FBXO8: variants seen among roughly 807,000 people sequenced by gnomAD.
FBXO8 encodes F-box only protein 8.
Under a neutral mutation model 33.4 loss-of-function variants are expected in FBXO8, and 15 were observed. The observed-to-expected ratio is 0.45, with a 90% confidence interval of 0.30 to 0.69. The LOEUF is 0.69. FBXO8 is among the 30% of genes least tolerant of loss of function. FBXO8 has a pLI of 0.08. For missense variants in FBXO8, 274 were observed against 380.3 expected (o/e 0.72, Z 2.32); for synonymous variants, 132 against 131.5 (o/e 1.00, Z -0.02).
chr4:174,280,805 A>G (rs1737068270), intron 1 of FBXO8, among the ~76,000 whole-genome samples: 1 of 152,220 alleles, frequency 6.6e-6, no homozygotes, highest in Non-Finnish European at 1.5e-5. Flanking sequence ...CAGTAATATG[A>G]ATACAAACAC....
At chr4:174,258,882 C>A (rs1208524108) in intron 3 of FBXO8, among the ~76,000 whole-genome samples, 1 of 151,626 alleles carries the variant, frequency 6.6e-6, no homozygotes, top group Non-Finnish European at 1.5e-5. Context: ...ATTAATACCT[C>A]GACAACAAAT....
In FBXO8 at chr4:174,267,494, C is replaced by A. The variant is rs1204227320; in HGVS notation, c.-8-4394G>T. On this transcript the variant is annotated intron_variant, in intron 1 of 5. Coordinates refer to ENST00000393674, the MANE Select transcript of FBXO8 (RefSeq NM_012180.3). This position sits in a 1 kb window ranked among gnomAD's most constrained non-coding sequence, Gnocchi z 4.7. The stretch of plus-strand genomic sequence containing the variant: ...CTCAGGAGTTTGAGGTTATAGTGAG[C>A]TATGATCACACCACTGCACTCCAGC... Among the ~76,000 whole-genome samples the A allele has an allele frequency of 7.6e-4, 115 of 152,120 alleles. No individual in the cohort carries two copies. Among genetic ancestry groups the A allele is most frequent in the Non-Finnish European group, 2.9e-5 (2 of 68,028 alleles).
At chr4:174,282,385 C>A (rs1051569246) in intron 1 of FBXO8, among the ~76,000 whole-genome samples, 1 of 152,060 alleles carries the variant, frequency 6.6e-6, no homozygotes, top group Non-Finnish European at 1.5e-5. Flanking sequence ...TTGTTTTAAG[C>A]TGGGGTAAAT....
chr4:174,240,964 A>G (rs1488682796), intron 4 of FBXO8, 136 bp downstream of exon 4: 13 of 510,292 alleles, frequency 2.5e-5, no homozygotes, highest in Non-Finnish European at 4.5e-5. Context: ...TGTGTGAGAT[A>G]TAGGAATCTT....
intron 4 of FBXO8, among the ~76,000 whole-genome samples, chr4:174,240,186 C>A (rs1297031311): frequency 6.7e-6 from 1 of 148,394 alleles, no homozygotes; most frequent in Non-Finnish European, 1.5e-5. Context: ...AAGAAAAAAA[C>A]CCCTGCCTAT....
chr4:174,248,431 TAC>T (rs1560867465), intron 3 of FBXO8, among the ~76,000 whole-genome samples: 1 of 152,048 alleles, frequency 6.6e-6, no homozygotes, highest in Admixed American at 6.6e-5. Context: ...GGCTCTGTGT[TAC>T]ACAGAACTAA....
chr4:174,250,178 G>C (rs913525301), intron 3 of FBXO8, among the ~76,000 whole-genome samples: 2 of 151,964 alleles, frequency 1.3e-5, no homozygotes, highest in African/African-American at 4.8e-5. Flanking sequence ...GGAAACTGAA[G>C]CACAGAGGTT....
chr4:174,276,778 T>C (rs1736970282), intron 1 of FBXO8, among the ~76,000 whole-genome samples: 1 of 152,222 alleles, frequency 6.6e-6, no homozygotes, highest in Non-Finnish European at 1.5e-5. Context: ...GTAGAAGTTT[T>C]TTGACACTAC....
chr4:174,267,749 G>C lies in FBXO8; in HGVS notation c.-8-4649C>G, dbSNP rs2126442151. On this transcript the variant is annotated intron_variant, in intron 1 of 5. Transcript: ENST00000393674. The surrounding 1 kb of genome is among the most constrained non-coding windows in gnomAD (Gnocchi z 4.7). The stretch of plus-strand genomic sequence containing the variant: ...TGTTAAAAGTTTTAATAATATCTTG[G>C]TATAAAGATTTTAAAACTGAAACAT... Among the ~76,000 whole-genome samples the C allele has an allele frequency of 6.6e-6, 1 of 152,056 alleles. No homozygotes were observed. The highest frequency in any genetic ancestry group is 2.1e-4 in the South Asian group (1 of 4,798).
In FBXO8 at chr4:174,247,558, C is replaced by T. The variant is rs1391488916; in HGVS notation, c.457-6340G>A. Among the ~76,000 whole-genome samples, 2 of 151,890 alleles carry T rather than the reference C, an allele frequency of 1.3e-5. No homozygotes were observed. The highest frequency in any genetic ancestry group is 2.9e-5 in the Non-Finnish European group (2 of 67,948). On this transcript the variant is annotated intron_variant, in intron 3 of 5. Transcript: ENST00000393674. This position sits in a 1 kb window ranked among gnomAD's most constrained non-coding sequence, Gnocchi z 4.6. ...AAACAATATAGCTCAATCTAGATTT[C>T]TAACTTTTCTTTCAACATGATAACC...
Position 174,272,242 on chromosome 4 carries a change from C to T in FBXO8, c.-8-9142G>A, listed in dbSNP as rs1275591781. On this transcript the variant is annotated intron_variant, in intron 1 of 5. Coordinates refer to ENST00000393674, the MANE Select transcript of FBXO8 (RefSeq NM_012180.3). The surrounding 1 kb of genome is among the most constrained non-coding windows in gnomAD (Gnocchi z 4.7). The stretch of plus-strand genomic sequence containing the variant: ...TAGACTGGTTCCAGGATCACCCCCT[C>T]ATGTCACCTCCCCCAGATACCAAAA... 1.3e-5 allele frequency among the ~76,000 whole-genome samples: 2 copies of T among 152,198 alleles called. No homozygotes were observed. Among genetic ancestry groups the T allele is most frequent in the Non-Finnish European group, 2.9e-5 (2 of 68,030 alleles).
At chr4:174,266,214 A>G (rs1482321878) in intron 1 of FBXO8, among the ~76,000 whole-genome samples, 7 of 152,176 alleles carry the variant, frequency 4.6e-5, no homozygotes, top group Non-Finnish European at 8.8e-5. Context: ...TCCGGCAGGT[A>G]GAAAGAGGTA....
Position 174,279,000 on chromosome 4 carries a change from G to C in FBXO8, c.-9+4410C>G, listed in dbSNP as rs1737013694. Among the ~76,000 whole-genome samples the C allele has an allele frequency of 6.6e-6, 1 of 151,952 alleles. No homozygotes were observed. The highest frequency in any genetic ancestry group is 2.4e-5 in the African/African-American group (1 of 41,392). ...TCCTCCCCTGTAAAATAAGGGTTTT[G>C]AAACTGGTGTTCCCTAAGGTCTTTT... On this transcript the variant is annotated intron_variant, in intron 1 of 5. Transcript: ENST00000393674. The surrounding 1 kb of genome is among the most constrained non-coding windows in gnomAD (Gnocchi z 4.1).
At chr4:174,266,936 T>C (rs1196462930) in intron 1 of FBXO8, among the ~76,000 whole-genome samples, 1 of 152,228 alleles carries the variant, frequency 6.6e-6, no homozygotes, top group Non-Finnish European at 1.5e-5. Flanking sequence ...ATAAAGCTTA[T>C]TTAATGATAC....
rs1736384326 is a variant in FBXO8 at position 174,254,973 on chromosome 4, A to G, written c.456+4726T>C. On this transcript the variant is annotated intron_variant, in intron 3 of 5. Transcript: ENST00000393674. The surrounding 1 kb of genome is among the most constrained non-coding windows in gnomAD (Gnocchi z 4.2). Reference sequence around the variant, plus strand: ...TTTACCTTCCTCCTCCCAAAAAAGAACACCACGTCAAACAAAATTAGATAT... The same window carrying G: ...TTTACCTTCCTCCTCCCAAAAAAGAGCACCACGTCAAACAAAATTAGATAT... Among the ~76,000 whole-genome samples, 1 of 152,184 alleles carries G rather than the reference A, an allele frequency of 6.6e-6. No homozygotes were observed. Among genetic ancestry groups the G allele is most frequent in the African/African-American group, 2.4e-5 (1 of 41,458 alleles).
rs1736453450 is a variant in FBXO8 at position 174,257,884 on chromosome 4, C to A, written c.456+1815G>T. 6.6e-6 allele frequency among the ~76,000 whole-genome samples: 1 copy of A among 151,998 alleles called. No individual in the cohort carries two copies. Among genetic ancestry groups the A allele is most frequent in the Admixed American group, 6.6e-5 (1 of 15,244 alleles). On this transcript the variant is annotated intron_variant, in intron 3 of 5. Coordinates refer to ENST00000393674, the MANE Select transcript of FBXO8 (RefSeq NM_012180.3). The surrounding 1 kb of genome is among the most constrained non-coding windows in gnomAD (Gnocchi z 4.3). ...GGACCACAAGAATGCACCACAATGC[C>A]TAGCTAATTTTTTAAAAATTTTTTG...
intron 3 of FBXO8, among the ~76,000 whole-genome samples, chr4:174,249,693 T>G (rs1736242535): frequency 6.6e-6 from 1 of 152,018 alleles, no homozygotes; most frequent in Admixed American, 6.6e-5. Flanking sequence ...AACGTAAGTA[T>G]CTGTTCATCC....
Position 174,241,488 on chromosome 4 carries a change from T to C in FBXO8, c.457-270A>G, listed in dbSNP as rs572777464. Among the ~76,000 whole-genome samples, 13 of 151,716 alleles carry C rather than the reference T, an allele frequency of 8.6e-5. No individual in the cohort carries two copies. The highest frequency in any genetic ancestry group is 2.9e-4 in the African/African-American group (12 of 41,522). On this transcript the variant is annotated intron_variant, in intron 3 of 5. Transcript: ENST00000393674. This position sits in a 1 kb window ranked among gnomAD's most constrained non-coding sequence, Gnocchi z 4.2. ...GGCTCATGTCAGGTAAAACTAACTA[T>C]ACAGAAATACGGCCTAATTTGGGGA...
chr4:174,255,572 A>C lies in FBXO8; in HGVS notation c.456+4127T>G, dbSNP rs1299747730. 1.3e-5 allele frequency among the ~76,000 whole-genome samples: 2 copies of C among 151,932 alleles called. No individual in the cohort carries two copies. The highest frequency in any genetic ancestry group is 4.1e-4 in the South Asian group (2 of 4,830). ...ATATTTCTGCATAAATACCAGAAAAATGTGCTTACATAGTCATTAAAAAAA... is the reference window on the plus strand; with the variant it reads ...ATATTTCTGCATAAATACCAGAAAACTGTGCTTACATAGTCATTAAAAAAA... On this transcript the variant is annotated intron_variant, in intron 3 of 5. Transcript: ENST00000393674. This position sits in a 1 kb window ranked among gnomAD's most constrained non-coding sequence, Gnocchi z 4.3.
Sources: gnomAD v4.1 joint callset for allele counts (sites outside exome capture counted in the v4.1 genomes callset) on GRCh38, gnomAD v4.1.1 for gene constraint, Gnocchi (gnomAD v3.1) non-coding constraint, MANE v1.5 for transcripts, NCBI Gene and HGNC (gene_info 2026-07-23, HGNC 2026-07-21) for gene names.